The following EPB41L4A variants were observed in gnomAD, a reference collection of about 807,000 sequenced individuals.
EPB41L4A encodes the protein erythrocyte membrane protein band 4.1 like 4A.
Under a neutral mutation model 108.6 loss-of-function variants are expected in EPB41L4A, and 100 were observed. That is an observed-to-expected ratio of 0.92 (90% CI 0.78 to 1.09). The LOEUF (loss-of-function observed/expected upper bound fraction) is 1.09. Among genes scored for constraint, EPB41L4A ranks in the 50% least tolerant of loss-of-function variants. The pLI is 0.00. For missense variants in EPB41L4A, 1,030 were observed against 842.7 expected (o/e 1.22, Z -2.75); for synonymous variants, 319 against 289.0 (o/e 1.10, Z -1.05).
chr5:112,240,599 T>C (rs1207201310), intron 10 of EPB41L4A, 120 bp downstream of exon 10: 1 of 594,466 alleles, frequency 1.7e-6, no homozygotes, highest in Non-Finnish European at 2.9e-6. Context: ...AATTAGGAAT[T>C]GAGAAAATTA....
intron 1 of EPB41L4A, among the ~76,000 whole-genome samples, chr5:112,388,089 C>G (rs1466994355): frequency 6.6e-6 from 1 of 152,108 alleles, no homozygotes; most frequent in Non-Finnish European, 1.5e-5. Context: ...GTTGTTTCAG[C>G]AGAAATTCAC....
chr5:112,147,445 GCCTGGCCAACATAGTGAAACC>G (rs1759301526), intron 12 of EPB41L4A, among the ~76,000 whole-genome samples: 1 of 151,936 alleles, frequency 6.6e-6, no homozygotes, highest in South Asian at 2.1e-4. Flanking sequence ...TTCGAGACCA[GCCTGGCCAACATAGTGAAACC>G]CCTTCTCTAC....
At chr5:112,181,338 C>T (rs1761140600) in intron 18 of EPB41L4A, among the ~76,000 whole-genome samples, 2 of 152,154 alleles carry the variant, frequency 1.3e-5, no homozygotes, top group Admixed American at 6.5e-5. Context: ...CTTGTCCCAG[C>T]TACTCGGGAG....
chr5:112,339,178 C>T lies in EPB41L4A; in HGVS notation c.100-31688G>A, dbSNP rs906865526. Among the ~76,000 whole-genome samples, 3 of 152,072 alleles carry T rather than the reference C, an allele frequency of 2.0e-5. No homozygotes were observed. In the South Asian group the frequency reaches 6.2e-4, roughly 32 times the overall value. On this transcript the variant is annotated intron_variant, in intron 1 of 22. Transcript: ENST00000261486. Reference sequence around the variant, plus strand: ...TTTCAAATGTGGCTGTGTTCCTTGGCCAAAGGATGAGATTCTAATCATCAA... The same window carrying T: ...TTTCAAATGTGGCTGTGTTCCTTGGTCAAAGGATGAGATTCTAATCATCAA...
chr5:112,308,840 C>T (rs141785686), intron 1 of EPB41L4A, among the ~76,000 whole-genome samples: 4 of 152,198 alleles, frequency 2.6e-5, no homozygotes, highest in East Asian at 1.9e-4. Flanking sequence ...ATGTTTTCCC[C>T]GCACCCTTGC....
intron 12 of EPB41L4A, among the ~76,000 whole-genome samples, chr5:112,151,761 T>A (rs1759477391): frequency 6.6e-6 from 1 of 151,836 alleles, no homozygotes; most frequent in Admixed American, 6.6e-5. Flanking sequence ...ACAGAGTTTC[T>A]CTATTGTTGC....
At chr5:112,347,140 A>G (rs1375537732) in intron 1 of EPB41L4A, among the ~76,000 whole-genome samples, 1 of 152,222 alleles carries the variant, frequency 6.6e-6, no homozygotes, top group Non-Finnish European at 1.5e-5. Flanking sequence ...GTATCAGCTA[A>G]CCACAAAAGT....
At chr5:112,234,335 T>G (rs1749176835) in intron 12 of EPB41L4A, among the ~76,000 whole-genome samples, 1 of 151,634 alleles carries the variant, frequency 6.6e-6, no homozygotes, top group African/African-American at 2.4e-5. Flanking sequence ...TGAGCTATAA[T>G]CATGCCACTG....
intron 18 of EPB41L4A, among the ~76,000 whole-genome samples, chr5:112,174,626 T>C (rs1324061010): frequency 6.6e-6 from 1 of 152,166 alleles, no homozygotes; most frequent in African/African-American, 2.4e-5. Flanking sequence ...GGATTTAAAC[T>C]CCATCACTGC....
chr5:112,298,435 G>A (rs991267515), intron 2 of EPB41L4A, among the ~76,000 whole-genome samples: 1 of 152,128 alleles, frequency 6.6e-6, no homozygotes, highest in African/African-American at 2.4e-5. Context: ...TGCATCTACT[G>A]AGATGATCAT....
At chr5:112,328,084 C>A (rs1428041877) in intron 1 of EPB41L4A, among the ~76,000 whole-genome samples, 2 of 152,038 alleles carry the variant, frequency 1.3e-5, no homozygotes, top group African/African-American at 4.8e-5. Flanking sequence ...CCAAGGCAGG[C>A]AGATCACAAA....
chr5:112,205,193 T>C (rs1378705090), intron 14 of EPB41L4A, among the ~76,000 whole-genome samples: 1 of 152,248 alleles, frequency 6.6e-6, no homozygotes, highest in Non-Finnish European at 1.5e-5. Flanking sequence ...TTCCTAGGTT[T>C]CCCTTTTGCC....
chr5:112,372,846 T>A (rs1286097259), intron 1 of EPB41L4A, among the ~76,000 whole-genome samples: 3 of 152,130 alleles, frequency 2.0e-5, no homozygotes, highest in Non-Finnish European at 2.9e-5. Context: ...TTACAGCAAT[T>A]CAGGCAAGAG....
At chr5:112,312,130 A>T (rs568029793) in intron 1 of EPB41L4A, among the ~76,000 whole-genome samples, 1 of 152,234 alleles carries the variant, frequency 6.6e-6, no homozygotes, top group East Asian at 1.9e-4. Flanking sequence ...AGATTTATAA[A>T]GCATAAAAAG....
intron 18 of EPB41L4A, among the ~76,000 whole-genome samples, chr5:112,177,102 T>A (rs1760907840): frequency 6.6e-6 from 1 of 151,970 alleles, no homozygotes; most frequent in Non-Finnish European, 1.5e-5. Flanking sequence ...TATATATAAT[T>A]TTTTTTTCTA....
intron 18 of EPB41L4A, among the ~76,000 whole-genome samples, chr5:112,180,462 A>G (rs946948561): frequency 6.6e-6 from 1 of 152,212 alleles, no homozygotes; most frequent in Non-Finnish European, 1.5e-5. Context: ...CATTTCAATG[A>G]AAAGTCTTTT....
intron 1 of EPB41L4A, among the ~76,000 whole-genome samples, chr5:112,312,469 G>A (rs945998579): frequency 4.6e-5 from 7 of 152,118 alleles, no homozygotes; most frequent in South Asian, 2.1e-4. Context: ...ATGACATCTC[G>A]TGATTCCCTC....
At position 112,163,253 on chromosome 5, in the gene EPB41L4A, GT is replaced by G. The variant is rs1208423707; in HGVS notation, c.*1736del. On this transcript the variant is annotated 3_prime_UTR_variant, in exon 23 of 23. Transcript: ENST00000261486. ...GTGGAGGTGTCCATAACTGCTAGGT[GT>G]CCAGCTTGCACACTGATGAGCATAA... 4 of 152,224 alleles carry G rather than the reference GT, an allele frequency of 2.6e-5. No individual in the cohort carries two copies. The highest frequency in any genetic ancestry group is 9.6e-5 in the African/African-American group (4 of 41,454). 9.4% of individuals were successfully genotyped at this position (152,224 alleles called of 1,614,324 possible).
intron 1 of EPB41L4A, among the ~76,000 whole-genome samples, chr5:112,361,261 G>C (rs1758734976): frequency 6.6e-6 from 1 of 152,138 alleles, no homozygotes. Context: ...TGTCCACTAA[G>C]GGTTAAATGG....
Sources: allele counts gnomAD v4.1 joint callset (sites outside exome capture counted in the v4.1 genomes callset), GRCh38; gene constraint gnomAD v4.1.1; transcripts MANE v1.5; gene names NCBI Gene and HGNC (gene_info 2026-07-23, HGNC 2026-07-21).